Variants in GSE1 observed in about 807,000 individuals in gnomAD.
The protein encoded by GSE1 is Gse1 coiled-coil protein.
GSE1 carries 32 observed loss-of-function variants against 112.6 expected under a neutral mutation model. The observed-to-expected ratio is 0.28, with a 90% CI of 0.21 to 0.38. GSE1 has a LOEUF of 0.38. Ranked by LOEUF, GSE1 falls within the 10% of genes least tolerant of loss-of-function variation. The pLI, the probability that GSE1 is intolerant of heterozygous loss-of-function variation, is 1.00. For synonymous variants in GSE1, 1,115 were observed against 735.6 expected, an observed-to-expected ratio of 1.52 and a Z score of -8.35; for missense variants, 2,348 against 1,699.2, an observed-to-expected ratio of 1.38 and a Z score of -6.71.
At chr16:85,580,840 G>A (rs939738890) in intron 1 of GSE1, among the ~76,000 whole-genome samples, 1 of 152,274 alleles carries the variant, frequency 6.6e-6, no homozygotes, top group Non-Finnish European at 1.5e-5. Context: ...GCAGCCGTCT[G>A]CAATCCAAGC....
intron 1 of GSE1, among the ~76,000 whole-genome samples, chr16:85,618,748 C>G (rs1260299840): frequency 6.6e-6 from 1 of 152,210 alleles, no homozygotes; most frequent in Non-Finnish European, 1.5e-5. Context: ...GCCTCAAACT[C>G]CTGCGCTCAA....
intron 1 of GSE1, among the ~76,000 whole-genome samples, chr16:85,204,945 G>A (rs1011337021): frequency 3.3e-5 from 5 of 152,188 alleles, no homozygotes; most frequent in African/African-American, 9.7e-5. Context: ...AAGCCCCTGG[G>A]CCAGGACACT....
At position 85,633,175 on chromosome 16, in the gene GSE1, G is replaced by A. The variant is rs191076864; in HGVS notation, c.8-739G>A. ...TTTAGCATCTCCGGGCAGACTCTGT[G>A]CCCAGTAAGGGGCCACAGTGGGGTC... On this transcript the variant is annotated intron_variant, in intron 1 of 15. Transcript: ENST00000253458. Among the ~76,000 whole-genome samples the A allele has an allele frequency of 4.1e-3, 621 of 152,308 alleles. 3 individuals are homozygous for A. Among genetic ancestry groups the A allele is most frequent in the African/African-American group, 0.014 (592 of 41,560 alleles).
chr16:85,623,639 G>A (rs1300589530), intron 1 of GSE1, among the ~76,000 whole-genome samples: 1 of 152,190 alleles, frequency 6.6e-6, no homozygotes, highest in East Asian at 1.9e-4. Context: ...CCCGGTGCCT[G>A]CAGGCAGGCA....
chr16:85,554,574 G>A (rs2151252694), upstream of GSE1, among the ~76,000 whole-genome samples: 1 of 152,236 alleles, frequency 6.6e-6, no homozygotes, highest in Admixed American at 6.5e-5. Flanking sequence ...GGTGGGGTGC[G>A]GGGTGAGGGG....
At chr16:85,613,800 A>T (rs1385584264) in intron 1 of GSE1, among the ~76,000 whole-genome samples, 1 of 119,818 alleles carries the variant, frequency 8.3e-6, no homozygotes, top group South Asian at 2.9e-4. Context: ...GAGGGAGCGA[A>T]TGGGGGTGGC....
chr16:85,408,850 C>A (rs2048397096), intron 2 of GSE1, among the ~76,000 whole-genome samples: 1 of 50,874 alleles, frequency 2.0e-5, no homozygotes, highest in African/African-American at 9.0e-5. Context: ...ACTCAGGCCC[C>A]CCTGGATAAT....
At chr16:85,388,376 G>GTGGGTGGA (rs1391875539) in intron 2 of GSE1, among the ~76,000 whole-genome samples, 19 of 60,760 alleles carry the variant, frequency 3.1e-4, no homozygotes, top group South Asian at 6.4e-4. Context: ...GGGCGGGTGG[G>GTGGGTGGA]TGGATGGATG....
chr16:85,524,583 G>T (rs755566276), intron 2 of GSE1, among the ~76,000 whole-genome samples: 2 of 152,264 alleles, frequency 1.3e-5, no homozygotes, highest in South Asian at 4.1e-4. Context: ...GAGCCGAGGG[G>T]TGCTGAGGCC....
chr16:85,537,645 C>A (rs567992182), intron 2 of GSE1, among the ~76,000 whole-genome samples: 1 of 152,224 alleles, frequency 6.6e-6, no homozygotes, highest in Non-Finnish European at 1.5e-5. Context: ...CCTTCCGAGG[C>A]GCCTGGTTGG....
chr16:85,491,416 T>TC, intron 2 of GSE1, among the ~76,000 whole-genome samples: 1 of 152,178 alleles, frequency 6.6e-6, no homozygotes, highest in East Asian at 1.9e-4. Flanking sequence ...TGCAGGGTAT[T>TC]CTGGGGGGCT....
chr16:85,660,226 G>T (rs1184178754), intron 8 of GSE1, among the ~76,000 whole-genome samples: 1 of 152,222 alleles, frequency 6.6e-6, no homozygotes, highest in Non-Finnish European at 1.5e-5. Flanking sequence ...CACGCAAGCA[G>T]GTGGGAAAAT....
chr16:85,670,875 C>G, intron 14 of GSE1, 120 bp from the exon 15 acceptor site: 2 of 663,158 alleles, frequency 3.0e-6, no homozygotes, highest in African/African-American at 1.8e-5. Context: ...GAGAGGCCTT[C>G]GCTGGCTGCA....
intron 2 of GSE1, among the ~76,000 whole-genome samples, chr16:85,505,129 C>G (rs2051496011): frequency 6.6e-6 from 1 of 152,190 alleles, no homozygotes; most frequent in South Asian, 2.1e-4. Flanking sequence ...GGGCCTGGCC[C>G]TGTCGTGTGC....
At position 85,419,101 on chromosome 16, in the gene GSE1, G is replaced by A. The variant is rs754838483; in HGVS notation, c.2464+61458G>A. Among the ~76,000 whole-genome samples, 3 of 152,148 alleles carry A rather than the reference G, an allele frequency of 2.0e-5. No individual in the cohort carries two copies. Among genetic ancestry groups the A allele is most frequent in the Non-Finnish European group, 2.9e-5 (2 of 68,032 alleles). On this transcript the variant is annotated intron_variant, in intron 2 of 2. Transcript: ENST00000637419. The surrounding 1 kb of genome is among the most constrained non-coding windows in gnomAD (Gnocchi z 6.5). ...GTGGGCGTCCCAGCGCACAGATGGCGTGTAAAGCTGGGAGACTGGGGAGAC... is the reference window on the plus strand; with the variant it reads ...GTGGGCGTCCCAGCGCACAGATGGCATGTAAAGCTGGGAGACTGGGGAGAC...
chr16:85,208,158 C>A (rs2075153526), intron 1 of GSE1, among the ~76,000 whole-genome samples: 1 of 152,154 alleles, frequency 6.6e-6, no homozygotes, highest in Non-Finnish European at 1.5e-5. Flanking sequence ...TTGGATGGGT[C>A]ATGCTGTTTC....
intron 1 of GSE1, among the ~76,000 whole-genome samples, chr16:85,184,000 C>T (rs925274052): frequency 9.2e-5 from 14 of 152,196 alleles, no homozygotes; most frequent in Non-Finnish European, 1.9e-4. Context: ...GTTTCTGTGG[C>T]CTTACTTATC....
intron 1 of GSE1, among the ~76,000 whole-genome samples, chr16:85,556,935 G>T (rs536998950): frequency 6.6e-6 from 1 of 152,162 alleles, no homozygotes; most frequent in African/African-American, 2.4e-5. Context: ...GGTATTTGGC[G>T]TGGCTTCCTG....
chr16:85,544,696 G>A (rs745390982), intron 2 of GSE1, among the ~76,000 whole-genome samples: 1 of 152,180 alleles, frequency 6.6e-6, no homozygotes, highest in Non-Finnish European at 1.5e-5. Context: ...AGATCTGCGT[G>A]TCATCCACAA....
Sources: allele counts gnomAD v4.1 joint callset (sites outside exome capture counted in the v4.1 genomes callset), GRCh38; gene constraint gnomAD v4.1.1; non-coding constraint Gnocchi (gnomAD v3.1); transcripts MANE v1.5; gene names NCBI Gene and HGNC (gene_info 2026-07-23, HGNC 2026-07-21).